The following SPMAP2L variants were observed in gnomAD, a reference collection of about 807,000 sequenced individuals.
SPMAP2L encodes the protein sperm microtubule associated protein 2-like.
chr4:56,537,244 C>G, the SPMAP2L span, among the ~76,000 whole-genome samples: 1 of 152,152 alleles, frequency 6.6e-6, no homozygotes, highest in Non-Finnish European at 1.5e-5. Flanking sequence ...GGGCTCTGTC[C>G]TGACTCCTTT....
At chr4:56,576,767 T>G in the SPMAP2L span, among the ~76,000 whole-genome samples, 1 of 152,256 alleles carries the variant, frequency 6.6e-6, no homozygotes, top group Non-Finnish European at 1.5e-5. Context: ...GGTAGTTATG[T>G]ATACACATAA....
chr4:56,579,559 T>C, the SPMAP2L span, among the ~76,000 whole-genome samples: 2 of 151,476 alleles, frequency 1.3e-5, no homozygotes, highest in Non-Finnish European at 2.9e-5. Context: ...CATTTGAGGC[T>C]AGGAGTTTGA....
chr4:56,583,065 G>T, the SPMAP2L span, among the ~76,000 whole-genome samples: 1 of 152,100 alleles, frequency 6.6e-6, no homozygotes, highest in Non-Finnish European at 1.5e-5. Flanking sequence ...TTGAGGTCAG[G>T]CGTTCGAGAA....
chr4:56,615,956 A>G, the SPMAP2L span, among the ~76,000 whole-genome samples: 4 of 152,056 alleles, frequency 2.6e-5, no homozygotes, highest in African/African-American at 9.7e-5. Flanking sequence ...CACAAGAATC[A>G]CTCAAAGGAC....
chr4:56,538,620 T>C, the SPMAP2L span, among the ~76,000 whole-genome samples: 40 of 152,086 alleles, frequency 2.6e-4, no homozygotes, highest in African/African-American at 7.7e-4. Flanking sequence ...CTGGCCAACA[T>C]GGTGAAACCC....
chr4:56,608,560 C>A, the SPMAP2L span, among the ~76,000 whole-genome samples: 1 of 152,188 alleles, frequency 6.6e-6, no homozygotes, highest in African/African-American at 2.4e-5. Context: ...ATCTGTGGGA[C>A]CTTGGGGCCC....
the SPMAP2L span, among the ~76,000 whole-genome samples, chr4:56,606,725 G>A: frequency 8.5e-5 from 13 of 152,252 alleles, no homozygotes; most frequent in Admixed American, 2.0e-4. Flanking sequence ...ACCAGACCAC[G>A]TAGGGCACTG....
At chr4:56,580,156 T>A in the SPMAP2L span, among the ~76,000 whole-genome samples, 1 of 152,162 alleles carries the variant, frequency 6.6e-6, no homozygotes, top group Non-Finnish European at 1.5e-5. Flanking sequence ...TGAATATACA[T>A]GCTATAATCC....
chr4:56,591,323 G>A, the SPMAP2L span, among the ~76,000 whole-genome samples: 1 of 152,206 alleles, frequency 6.6e-6, no homozygotes, highest in Non-Finnish European at 1.5e-5. Context: ...CCCCAGCCAT[G>A]CCACCTGTAC....
At chr4:56,535,843 C>T in the SPMAP2L span, among the ~76,000 whole-genome samples, 1 of 152,204 alleles carries the variant, frequency 6.6e-6, no homozygotes, top group Non-Finnish European at 1.5e-5. Flanking sequence ...GCAGGGTTCT[C>T]ACCTCTAAGG....
At chr4:56,623,416 T>C in the SPMAP2L span, among the ~76,000 whole-genome samples, 13 of 152,316 alleles carry the variant, frequency 8.5e-5, no homozygotes, top group African/African-American at 3.1e-4. Flanking sequence ...TGTTCTCCCT[T>C]GCTACATTCC....
At chr4:56,543,273 C>T in the SPMAP2L span, among the ~76,000 whole-genome samples, 1 of 151,912 alleles carries the variant, frequency 6.6e-6, no homozygotes, top group Non-Finnish European at 1.5e-5. Context: ...TTAGTAGAGA[C>T]GGAGTTTCAC....
chr4:56,559,432 T>C, the SPMAP2L span: 1 of 1,531,548 alleles, frequency 6.5e-7, no homozygotes, highest in Non-Finnish European at 8.7e-7. Context: ...TCGCCCTGTT[T>C]CCCAGGGTGC....
the SPMAP2L span, among the ~76,000 whole-genome samples, chr4:56,587,297 TC>T: frequency 2.9e-5 from 4 of 135,826 alleles, no homozygotes; most frequent in South Asian, 2.3e-4. Context: ...TTGATTGATT[TC>T]TTCATTCAAC....
the SPMAP2L span, chr4:56,595,129 G>A: frequency 6.2e-7 from 1 of 1,611,444 alleles, no homozygotes; most frequent in Non-Finnish European, 8.5e-7. Context: ...GGGAGGCAAG[G>A]GCCTTAAACA....
At chr4:56,614,589 G>T in the SPMAP2L span, among the ~76,000 whole-genome samples, 1 of 152,102 alleles carries the variant, frequency 6.6e-6, no homozygotes, top group African/African-American at 2.4e-5. Flanking sequence ...AGGAGGCAGA[G>T]GTTGCAGTGA....
the SPMAP2L span, among the ~76,000 whole-genome samples, chr4:56,609,148 CA>C: frequency 2.7e-5 from 4 of 149,180 alleles, no homozygotes; most frequent in East Asian, 8.0e-4. Context: ...CTCCCGGGTT[CA>C]AGTGTTTCTC....
At chr4:56,535,242 C>T in the SPMAP2L span, among the ~76,000 whole-genome samples, 1 of 152,082 alleles carries the variant, frequency 6.6e-6, no homozygotes, top group African/African-American at 2.4e-5. Flanking sequence ...GGGAGGAGAC[C>T]ACCACGCATA....
chr4:56,579,285 T>C, the SPMAP2L span, among the ~76,000 whole-genome samples: 201 of 152,208 alleles, frequency 1.3e-3, no homozygotes, highest in African/African-American at 4.0e-3. Context: ...TTCAATGAAA[T>C]TGGAAACTGA....
Sources: allele counts gnomAD v4.1 joint callset (sites outside exome capture counted in the v4.1 genomes callset), GRCh38; gene constraint gnomAD v4.1.1; transcripts MANE v1.5; gene names NCBI Gene and HGNC (gene_info 2026-07-23, HGNC 2026-07-21).